The following KCNH7 variants were observed in gnomAD, a reference collection of about 807,000 sequenced individuals.
KCNH7 encodes the protein voltage-gated inwardly rectifying potassium channel KCNH7.
KCNH7 carries 49 observed loss-of-function variants against 120.8 expected under a neutral mutation model. That is an observed-to-expected ratio of 0.41 (90% CI 0.32 to 0.51). The LOEUF (loss-of-function observed/expected upper bound fraction) is 0.51, where lower values mean the gene tolerates loss of function less well. KCNH7 is among the 20% of genes least tolerant of loss of function. The pLI is 0.38. For synonymous variants in KCNH7, 547 were observed against 516.1 expected, an observed-to-expected ratio of 1.06 and a Z score of -0.81; for missense variants, 1,097 against 1,446.6, an observed-to-expected ratio of 0.76 and a Z score of 3.92.
At chr2:162,706,095 T>C (rs1181256044) in intron 2 of KCNH7, among the ~76,000 whole-genome samples, 1 of 152,112 alleles carries the variant, frequency 6.6e-6, no homozygotes, top group African/African-American at 2.4e-5. Context: ...GTACAATCTT[T>C]TGTGCTCCAT....
chr2:162,413,186 A>G (rs1687440911), intron 9 of KCNH7, among the ~76,000 whole-genome samples: 2 of 151,842 alleles, frequency 1.3e-5, no homozygotes, highest in Non-Finnish European at 2.9e-5. Context: ...GTGGAGTGCA[A>G]TGGCATGATT....
At chr2:162,466,195 T>C (rs6760921) in intron 6 of KCNH7, among the ~76,000 whole-genome samples, 11,209 of 152,170 alleles carry the variant, frequency 0.074, 1,315 homozygotes, top group African/African-American at 0.25. Flanking sequence ...ATTAAATGTG[T>C]TAGGGAACCC....
chr2:162,542,574 A>G (rs1188758506), intron 2 of KCNH7, among the ~76,000 whole-genome samples: 1 of 151,922 alleles, frequency 6.6e-6, no homozygotes, highest in Non-Finnish European at 1.5e-5. Flanking sequence ...TACAAAGGAC[A>G]TGGACTCATC....
intron 4 of KCNH7, among the ~76,000 whole-genome samples, chr2:162,517,043 C>A (rs1691323999): frequency 6.6e-6 from 1 of 151,708 alleles, no homozygotes; most frequent in African/African-American, 2.4e-5. Context: ...CCGATGTTAT[C>A]AATTACCATG....
At chr2:162,389,916 A>G (rs1278432543) in intron 12 of KCNH7, among the ~76,000 whole-genome samples, 3 of 152,082 alleles carry the variant, frequency 2.0e-5, no homozygotes, top group Non-Finnish European at 2.9e-5. Context: ...CTTGTTAACC[A>G]ATGAAGAATT....
chr2:162,744,184 T>C (rs1688232006), intron 2 of KCNH7, among the ~76,000 whole-genome samples: 1 of 152,198 alleles, frequency 6.6e-6, no homozygotes, highest in African/African-American at 2.4e-5. Context: ...CATGCCTGAC[T>C]ACTTATGTCT....
chr2:162,476,769 G>A (rs1689761754), intron 6 of KCNH7, among the ~76,000 whole-genome samples: 1 of 152,148 alleles, frequency 6.6e-6, no homozygotes, highest in Non-Finnish European at 1.5e-5. Flanking sequence ...ACTGAAGAAT[G>A]AAGGCCTTTC....
chr2:162,677,887 CAGTA>C (rs1173655535), intron 2 of KCNH7, among the ~76,000 whole-genome samples: 1 of 151,362 alleles, frequency 6.6e-6, no homozygotes, highest in Non-Finnish European at 1.5e-5. Flanking sequence ...TGCTTTGTCC[CAGTA>C]AGTATCTATT....
rs1356507807 is a variant in KCNH7, at chr2:162,763,676, T to C, written c.307+72861A>G. On this transcript the variant is annotated intron_variant, in intron 2 of 15. Coordinates refer to ENST00000332142, the MANE Select transcript of KCNH7 (RefSeq NM_033272.4). The stretch of plus-strand genomic sequence containing the variant: ...AAGTTAGAGGGCTAGTAATGCTGTC[T>C]TAGTTGGGTGGAATACCTAGTAGAA... Among the ~76,000 whole-genome samples, 3 of 151,708 alleles carry C rather than the reference T, an allele frequency of 2.0e-5. No homozygotes were observed. The East Asian group carries it at 5.8e-4, about 29-fold the overall frequency.
intron 2 of KCNH7, among the ~76,000 whole-genome samples, chr2:162,543,536 C>T: frequency 6.6e-6 from 1 of 151,978 alleles, no homozygotes; most frequent in East Asian, 1.9e-4. Context: ...GACTGAGATG[C>T]CAACAGTGTG....
chr2:162,386,523 T>C (rs1337277461), intron 12 of KCNH7, among the ~76,000 whole-genome samples: 2 of 151,868 alleles, frequency 1.3e-5, no homozygotes, highest in Non-Finnish European at 1.5e-5. Context: ...AGTTTGCTCT[T>C]CCTAAGTAAA....
chr2:162,489,993 T>G (rs1186345207), intron 6 of KCNH7, among the ~76,000 whole-genome samples: 2 of 152,226 alleles, frequency 1.3e-5, no homozygotes, highest in East Asian at 1.9e-4. Flanking sequence ...TTTATTGAGG[T>G]TTATATGATA....
At chr2:162,628,382 C>G (rs578155451) in intron 2 of KCNH7, among the ~76,000 whole-genome samples, 1 of 152,106 alleles carries the variant, frequency 6.6e-6, no homozygotes, top group African/African-American at 2.4e-5. Context: ...TTACCCCATC[C>G]TTTCCACACT....
In KCNH7 at chr2:162,838,604, G is replaced by T. The variant is rs1685743584; in HGVS notation, c.-86C>A. ...CCTCGGCTAGAGCCCAGGCCAGCGC[G>T]CGAGCCGCTCTTTGTGGCAGAGCAT... On this transcript the variant is annotated 5_prime_UTR_variant, in exon 1 of 16. Coordinates refer to ENST00000332142, the MANE Select transcript of KCNH7 (RefSeq NM_033272.4). The T allele has an allele frequency of 9.5e-7, 1 of 1,051,878 alleles. No individual in the cohort carries two copies. Among genetic ancestry groups the T allele is most frequent in the Admixed American group, 2.3e-5 (1 of 43,436 alleles). 65.2% of individuals were successfully genotyped at this position (1,051,878 alleles called of 1,614,324 possible).
chr2:162,730,677 G>A (rs534972755), intron 2 of KCNH7, among the ~76,000 whole-genome samples: 21 of 152,032 alleles, frequency 1.4e-4, no homozygotes, highest in Admixed American at 2.6e-4. Flanking sequence ...CTTACATAAA[G>A]CATAGCAGAC....
intron 6 of KCNH7, among the ~76,000 whole-genome samples, chr2:162,449,354 A>G (rs1346000301): frequency 6.6e-6 from 1 of 152,088 alleles, no homozygotes; most frequent in Non-Finnish European, 1.5e-5. Flanking sequence ...ATGTTCAAAA[A>G]TAAAAACAGA....
At chr2:162,769,680 A>G (rs1282051777) in intron 2 of KCNH7, among the ~76,000 whole-genome samples, 1 of 151,860 alleles carries the variant, frequency 6.6e-6, no homozygotes, top group African/African-American at 2.4e-5. Context: ...TATTATGCAT[A>G]CATATATATG....
intron 4 of KCNH7, among the ~76,000 whole-genome samples, chr2:162,514,040 CA>C (rs2105777615): frequency 6.6e-6 from 1 of 151,864 alleles, no homozygotes; most frequent in East Asian, 2.0e-4. Flanking sequence ...ATATCAAAAC[CA>C]TTCAAATATA....
intron 2 of KCNH7, among the ~76,000 whole-genome samples, chr2:162,676,253 G>C (rs1685526137): frequency 1.3e-5 from 2 of 151,474 alleles, no homozygotes; most frequent in Non-Finnish European, 3.0e-5. Flanking sequence ...AGGAAAGCAT[G>C]TTAGTATATA....
Sources: gnomAD v4.1 joint callset for allele counts (sites outside exome capture counted in the v4.1 genomes callset) on GRCh38, gnomAD v4.1.1 for gene constraint, MANE v1.5 for transcripts, NCBI Gene and HGNC (gene_info 2026-07-23, HGNC 2026-07-21) for gene names.